TYW2: variants seen among roughly 807,000 people sequenced by gnomAD.
TYW2 encodes tRNA wybutosine-synthesizing protein 2 homolog.
chr8:124,451,024 T>A, the TYW2 span: 1 of 1,614,124 alleles, frequency 6.2e-7, no homozygotes, highest in Non-Finnish European at 8.5e-7. Flanking sequence ...TACCCAGCGA[T>A]ACAGAGAATA....
the TYW2 span, chr8:124,452,495 A>G: frequency 1.8e-6 from 1 of 543,156 alleles, no homozygotes; most frequent in Non-Finnish European, 3.3e-6. Flanking sequence ...GCCCATTGAA[A>G]TGAGGCTCAT....
the TYW2 span, chr8:124,452,569 G>C: frequency 2.7e-6 from 1 of 372,588 alleles, no homozygotes; most frequent in Non-Finnish European, 5.1e-6. Context: ...GTATGTTTTG[G>C]CCTCGGGTTT....
the TYW2 span, chr8:124,451,198 G>C: frequency 1.2e-6 from 2 of 1,614,148 alleles, no homozygotes; most frequent in Non-Finnish European, 1.7e-6. Flanking sequence ...GCAGCTCCCG[G>C]ATCCTGTTCC....
the TYW2 span, chr8:124,451,264 C>T: frequency 1.5e-5 from 25 of 1,614,042 alleles, no homozygotes; most frequent in South Asian, 1.5e-4. Context: ...TGAGGTGAGT[C>T]GCTGGGTGGA....
the TYW2 span, chr8:124,452,026 A>G: frequency 6.2e-7 from 1 of 1,614,214 alleles, no homozygotes; most frequent in Non-Finnish European, 8.5e-7. Context: ...TCAGCAAATT[A>G]CCACCAACCA....
chr8:124,452,438 T>G, the TYW2 span: 2 of 670,450 alleles, frequency 3.0e-6, no homozygotes, highest in Non-Finnish European at 4.9e-6. Flanking sequence ...TCATTTGTCT[T>G]TCATTGATAA....
chr8:124,451,986 C>A, the TYW2 span: 2 of 1,614,128 alleles, frequency 1.2e-6, no homozygotes, highest in South Asian at 2.2e-5. Flanking sequence ...TTGGAGTCAG[C>A]AAAGTAGAGA....
At chr8:124,451,206 T>G in the TYW2 span, 1 of 1,614,112 alleles carries the variant, frequency 6.2e-7, no homozygotes, top group Non-Finnish European at 8.5e-7. Context: ...CGGATCCTGT[T>G]CCTTCGAAGA....
the TYW2 span, chr8:124,451,544 T>A: frequency 6.2e-7 from 1 of 1,614,210 alleles, no homozygotes; most frequent in Non-Finnish European, 8.5e-7. Flanking sequence ...GATAATGGTA[T>A]CCGTTATAAG....
chr8:124,450,834 CAT>C, the TYW2 span: 1 of 1,438,346 alleles, frequency 7.0e-7, no homozygotes, highest in Non-Finnish European at 9.4e-7. Flanking sequence ...CCGGCACCGG[CAT>C]GGCCGGGTGA....
the TYW2 span, chr8:124,450,929 T>A: frequency 6.2e-7 from 1 of 1,611,450 alleles, no homozygotes; most frequent in Non-Finnish European, 8.5e-7. Flanking sequence ...GCTGAGGTGA[T>A]GAGAGAGAAT....
chr8:124,451,121 C>T, the TYW2 span: 1 of 1,614,038 alleles, frequency 6.2e-7, no homozygotes, highest in South Asian at 1.1e-5. Context: ...CTGGGAGAGA[C>T]GCTTCCAGAG....
the TYW2 span, chr8:124,450,879 TAGTC>T: frequency 1.3e-6 from 2 of 1,556,520 alleles, no homozygotes; most frequent in Admixed American, 1.9e-5. Flanking sequence ...ACCGGGAATT[TAGTC>T]AGCCTGGTGA....
At chr8:124,451,906 C>T in the TYW2 span, 3 of 1,614,046 alleles carry the variant, frequency 1.9e-6, no homozygotes, top group Admixed American at 1.7e-5. Flanking sequence ...AGTGTTAAGG[C>T]AGGATGCTGG....
the TYW2 span, chr8:124,452,272 T>A: frequency 6.2e-7 from 1 of 1,612,440 alleles, no homozygotes. Flanking sequence ...TTCAGTTGGC[T>A]AGAGGAGGTA....
the TYW2 span, chr8:124,450,837 G>C: frequency 1.4e-6 from 2 of 1,459,592 alleles, no homozygotes; most frequent in Non-Finnish European, 1.8e-6. Context: ...GCACCGGCAT[G>C]GCCGGGTGAG....
the TYW2 span, chr8:124,451,947 A>G: frequency 1.2e-6 from 2 of 1,614,202 alleles, no homozygotes; most frequent in South Asian, 1.1e-5. Flanking sequence ...AAAATGTGGA[A>G]TCTTTCCCAG....
the TYW2 span, chr8:124,451,647 T>G: frequency 2.5e-6 from 4 of 1,614,080 alleles, no homozygotes; most frequent in Admixed American, 3.3e-5. Flanking sequence ...TGCTGGTGGA[T>G]CTCTATGCAG....
At chr8:124,451,710 C>T in the TYW2 span, 2 of 1,614,028 alleles carry the variant, frequency 1.2e-6, no homozygotes, top group African/African-American at 1.3e-5. Flanking sequence ...CTGCCTTCGT[C>T]CATGCTTGTG....
Sources: allele counts gnomAD v4.1 joint callset, GRCh38; gene constraint gnomAD v4.1.1; transcripts MANE v1.5; gene names NCBI Gene and HGNC (gene_info 2026-07-23, HGNC 2026-07-21).